The following GNAS variants were observed in gnomAD, a reference collection of about 807,000 sequenced individuals.
GNAS encodes the protein protein ALEX.
A neutral mutation model predicts 54.5 loss-of-function variants in GNAS; 8 were observed. The ratio of observed to expected loss-of-function variants is 0.15; its 90% CI spans 0.09 to 0.26. The LOEUF (loss-of-function observed/expected upper bound fraction) is 0.26, where lower values mean the gene tolerates loss of function less well. Ranked by LOEUF, GNAS falls within the 10% of genes least tolerant of loss-of-function variation. The probability of loss-of-function intolerance (pLI) is 1.00; values close to 1 mark genes in which losing one functional copy is unlikely to be tolerated. For missense variants in GNAS, 170 were observed against 529.8 expected (o/e 0.32, Z 6.67); for synonymous variants, 204 against 191.4 (o/e 1.07, Z -0.54).
chr20:58,899,306 T>G (rs2090373820), intron 3 of GNAS, among the ~76,000 whole-genome samples: 1 of 152,202 alleles, frequency 6.6e-6, no homozygotes, highest in African/African-American at 2.4e-5. Context: ...CCCCCAGCTC[T>G]CCATTTGAAC....
upstream of GNAS, among the ~76,000 whole-genome samples, chr20:58,890,459 G>A (rs1228906422): frequency 4.6e-5 from 7 of 151,942 alleles, no homozygotes; most frequent in Admixed American, 1.3e-4. Context: ...AGGCTGGCGC[G>A]CTGAGCGCCC....
chr20:58,855,191 G>C (rs778670718), intron 1 of GNAS: 1 of 1,605,916 alleles, frequency 6.2e-7, no homozygotes, highest in Admixed American at 1.7e-5. Context: ...TACCCCTGGC[G>C]GAGAAGCGCA....
chr20:58,861,608 C>T (rs2086785139), intron 1 of GNAS, among the ~76,000 whole-genome samples: 1 of 152,220 alleles, frequency 6.6e-6, no homozygotes. Context: ...TCCTAAGTGG[C>T]CTTTATGCAA....
Position 58,841,655 on chromosome 20 carries a change from A to C in GNAS, c.43+769A>C. 7.2e-6 allele frequency: 8 copies of C among 1,109,210 alleles called. No individual in the cohort carries two copies. Among genetic ancestry groups the C allele is most frequent in the African/African-American group, 1.6e-5 (1 of 61,524 alleles). 68.7% of individuals were successfully genotyped at this position (1,109,210 alleles called of 1,614,324 possible). ...TGACCTCTCCCGGCGGCGGGCGGTTAGGGGAAAGTACCTGGGGGAAAGGTA... is the reference window on the plus strand; with the variant it reads ...TGACCTCTCCCGGCGGCGGGCGGTTCGGGGAAAGTACCTGGGGGAAAGGTA... On this transcript the variant is annotated intron_variant, in intron 1 of 12. Coordinates refer to the GNAS transcript ENST00000306090. The surrounding 1 kb of genome is among the most constrained non-coding windows in gnomAD (Gnocchi z 5.0).
At chr20:58,878,236 C>T (rs1600854808) in intron 1 of GNAS, among the ~76,000 whole-genome samples, 1 of 152,210 alleles carries the variant, frequency 6.6e-6, no homozygotes, top group African/African-American at 2.4e-5. Context: ...GCCCCATGGC[C>T]TTGAACTAAA....
Position 58,909,155 on chromosome 20 carries a change from C to T in GNAS, c.531-7C>T, listed in dbSNP as rs572281182. On this transcript the variant is annotated splice_polypyrimidine_tract_variant and splice_region_variant and intron_variant, in intron 6 of 12. Transcript: ENST00000371085. This position sits in a 1 kb window ranked among gnomAD's most constrained non-coding sequence, Gnocchi z 7.3. The stretch of plus-strand genomic sequence containing the variant: ...GAACACCCCACGTGTCTTTCTTTTT[C>T]TCCCAGCTTCCTGGACAAGATCGAC... 1.9e-6 allele frequency: 3 copies of T among 1,613,640 alleles called. No individual in the cohort carries two copies. The highest frequency in any genetic ancestry group is 2.2e-5 in the East Asian group (1 of 44,872).
At chr20:58,898,235 G>T (rs2146062343) in intron 2 of GNAS, 1 of 152,244 alleles carries the variant, frequency 6.6e-6, no homozygotes, top group South Asian at 2.1e-4. Context: ...TGTTTATGAA[G>T]ATCGGGTTTG....
In GNAS at chr20:58,908,800, G is replaced by T. The variant is rs76792050; in HGVS notation, c.531-362G>T. On this transcript the variant is annotated intron_variant, in intron 6 of 12. Transcript: ENST00000371085. ...AGAGCAACAGGAATAAAGAAGCTAAGTAAAGAATAAAAAAGAAAAATAGAA... is the reference window on the plus strand; with the variant it reads ...AGAGCAACAGGAATAAAGAAGCTAATTAAAGAATAAAAAAGAAAAATAGAA... The T allele has an allele frequency of 8.9e-3, 2,810 of 314,024 alleles. 62 individuals carry two copies. The highest frequency in any genetic ancestry group is 0.056 in the African/African-American group (2,616 of 46,576). The allele number at this position is 314,024 out of a possible 1,614,324, so 19.5% of individuals were successfully genotyped here.
At chr20:58,848,740 C>CCCAGCTCTTA in intron 1 of GNAS, 1 of 394,504 alleles carries the variant, frequency 2.5e-6, no homozygotes, top group Non-Finnish European at 4.5e-6. Flanking sequence ...GCCGATCACC[C>CCCAGCTCTTA]CCAGCTCTTA....
Position 58,900,086 on chromosome 20 carries a change from TG to T in GNAS, c.257+1105del. On this transcript the variant is annotated intron_variant, in intron 3 of 12. Transcript: ENST00000371085. ...CTGTTATCTGAGGGGGGAGGGGGGA[TG>T]GGGCCCCTGCTACCTGACCTTAAAC... The T allele has an allele frequency of 1.0e-5, 4 of 400,754 alleles. No homozygotes were observed. The South Asian group carries it at 1.1e-4, about 11-fold the overall frequency. The allele number at this position is 400,754 out of a possible 1,614,324, so 24.8% of individuals were successfully genotyped here.
chr20:58,876,667 T>C (rs1433376911), intron 1 of GNAS: 2 of 152,206 alleles, frequency 1.3e-5, no homozygotes, highest in Non-Finnish European at 2.9e-5. Context: ...AGGCATGCTT[T>C]CCCTCTGAGC....
chr20:58,868,452 C>CTTT (rs560938923), intron 1 of GNAS, among the ~76,000 whole-genome samples: 3 of 145,282 alleles, frequency 2.1e-5, no homozygotes, highest in African/African-American at 7.5e-5. Context: ...CCGCAGCCAG[C>CTTT]TTTTTTTTTT....
In GNAS at chr20:58,911,082, T is replaced by C. The variant is rs1272085019; in HGVS notation, c.*253T>C. The C allele has an allele frequency of 4.7e-6, 3 of 639,382 alleles. No individual in the cohort carries two copies. The East Asian group carries it at 9.1e-5, about 19-fold the overall frequency. The allele number at this position is 639,382 out of a possible 1,614,324, so 39.6% of individuals were successfully genotyped here. On this transcript the variant is annotated 3_prime_UTR_variant, in exon 13 of 13. Coordinates refer to ENST00000371085, the MANE Select transcript of GNAS (RefSeq NM_000516.7). ...CCCTCTCACTTTCAGTAAAAATAAATAAAACAGCAGCAGCAAACAAATAAA... is the reference window on the plus strand; with the variant it reads ...CCCTCTCACTTTCAGTAAAAATAAACAAAACAGCAGCAGCAAACAAATAAA...
chr20:58,878,895 G>T (rs964375191), intron 1 of GNAS, among the ~76,000 whole-genome samples: 6 of 142,356 alleles, frequency 4.2e-5, no homozygotes, highest in Non-Finnish European at 9.2e-5. Flanking sequence ...AGGCAGCGGT[G>T]GTGGTGGGGG....
chr20:58,901,515 T>C (rs1386447616), intron 3 of GNAS, among the ~76,000 whole-genome samples: 2 of 152,048 alleles, frequency 1.3e-5, no homozygotes, highest in African/African-American at 4.8e-5. Context: ...TGCAGCACTT[T>C]TACTTAAATG....
At chr20:58,891,944 C>T (rs923349263) in intron 1 of GNAS, 79 bp downstream of exon 1, 10 of 869,722 alleles carry the variant, frequency 1.1e-5, no homozygotes, top group Admixed American at 6.4e-5. Flanking sequence ...GCCGAGCCCG[C>T]CCCCCGCCCC....
chr20:58,854,879 C>T (rs1400816414), intron 1 of GNAS: 6 of 1,594,490 alleles, frequency 3.8e-6, no homozygotes, highest in East Asian at 2.3e-5. Flanking sequence ...TCCAGGCTGC[C>T]GATCCGCCTA....
upstream of GNAS, chr20:58,889,408 C>T (rs1392792691): frequency 1.0e-5 from 10 of 980,466 alleles, no homozygotes; most frequent in Admixed American, 1.9e-4. Context: ...CCGGCGCAGG[C>T]AAGAGCCGCC....
chr20:58,842,580 T>C (rs1011288624), intron 1 of GNAS: 1 of 398,530 alleles, frequency 2.5e-6, no homozygotes, highest in Non-Finnish European at 4.4e-6. Flanking sequence ...TATTTGCAAG[T>C]GGTTTTCTGC....
Sources: allele counts gnomAD v4.1 joint callset (sites outside exome capture counted in the v4.1 genomes callset), GRCh38; gene constraint gnomAD v4.1.1; non-coding constraint Gnocchi (gnomAD v3.1); transcripts MANE v1.5; gene names NCBI Gene and HGNC (gene_info 2026-07-23, HGNC 2026-07-21).